RHOBTB3: variants seen among roughly 807,000 people sequenced by gnomAD.
The protein encoded by RHOBTB3 is Rho related BTB domain containing 3.
A neutral mutation model predicts 67.2 loss-of-function variants in RHOBTB3; 47 were observed. The ratio of observed to expected loss-of-function variants is 0.70; its 90% confidence interval spans 0.55 to 0.89. The LOEUF (loss-of-function observed/expected upper bound fraction) is 0.89, where lower values mean the gene tolerates loss of function less well. Among genes scored for constraint, RHOBTB3 ranks in the 40% least tolerant of loss-of-function variants. The pLI, the probability that RHOBTB3 is intolerant of heterozygous loss-of-function variation, is 0.00. For synonymous variants in RHOBTB3, 273 were observed against 274.2 expected (o/e 1.00, Z 0.04); for missense variants, 631 against 750.0 (o/e 0.84, Z 1.85).
At chr5:95,760,905 A>C (rs1745376111) in intron 6 of RHOBTB3, among the ~76,000 whole-genome samples, 2 of 152,218 alleles carry the variant, frequency 1.3e-5, no homozygotes, top group African/African-American at 2.4e-5. Flanking sequence ...GTTTATTAGG[A>C]CCTAAAAGTC....
intron 3 of RHOBTB3, among the ~76,000 whole-genome samples, chr5:95,744,897 C>T (rs998066699): frequency 6.6e-6 from 1 of 151,848 alleles, no homozygotes; most frequent in Admixed American, 6.6e-5. Context: ...ATGGTGAAAC[C>T]CCATCTCTAG....
intron 1 of RHOBTB3, 66 bp from the exon 2 acceptor site, chr5:95,731,793 G>T (rs1755270509): frequency 6.2e-7 from 1 of 1,602,962 alleles, no homozygotes; most frequent in East Asian, 2.2e-5. Flanking sequence ...CGCACTTCCT[G>T]TTCCGAGGAG....
At chr5:95,765,159 AT>A in intron 7 of RHOBTB3, among the ~76,000 whole-genome samples, 1 of 152,208 alleles carries the variant, frequency 6.6e-6, no homozygotes, top group East Asian at 1.9e-4. Flanking sequence ...CTGTTTATAG[AT>A]TCTCTCCCTC....
At chr5:95,718,194 G>A (rs935578849) in intron 1 of RHOBTB3, among the ~76,000 whole-genome samples, 18 of 152,186 alleles carry the variant, frequency 1.2e-4, no homozygotes, top group Middle Eastern at 6.8e-3. Flanking sequence ...GCTTCTAGCC[G>A]TATGGGGAAG....
intron 5 of RHOBTB3, 23 bp downstream of exon 5, chr5:95,752,373 A>G: frequency 7.1e-7 from 1 of 1,407,590 alleles, no homozygotes; most frequent in Non-Finnish European, 1.0e-6. Context: ...GCCAATGTCT[A>G]GACATTCATT....
rs537299128 is a variant in RHOBTB3 at position 95,731,994 on chromosome 5, G to A, written c.138G>A (p.Ala46=). 24 of 1,614,172 alleles carry A rather than the reference G, an allele frequency of 1.5e-5. No homozygotes were observed. In the East Asian group the frequency reaches 4.2e-4, roughly 28 times the overall value. Residue 46 remains alanine (A), a synonymous_variant, in exon 2 of 12, where the codon GCG becomes GCA. Transcript: ENST00000379982. ...ACGAGAGCAGCTTGTTGCTGAACGC[G>A]GCCAGCACGGTCGCGCGTCCGGTGT... ...SGDESSLLLN[A]ASTVARPVFT...
At chr5:95,746,645 A>G (rs1255647546) in intron 3 of RHOBTB3, among the ~76,000 whole-genome samples, 1 of 152,108 alleles carries the variant, frequency 6.6e-6, no homozygotes, top group Non-Finnish European at 1.5e-5. Flanking sequence ...CTAAAACTAT[A>G]TTTTTATTTT....
At chr5:95,740,869 T>C (rs1755575649) in intron 3 of RHOBTB3, among the ~76,000 whole-genome samples, 2 of 151,496 alleles carry the variant, frequency 1.3e-5, no homozygotes, top group Non-Finnish European at 2.9e-5. Context: ...ACACACACAC[T>C]TTTTTTTGGC....
At chr5:95,777,338 T>C (rs894812830) in intron 8 of RHOBTB3, among the ~76,000 whole-genome samples, 8 of 152,242 alleles carry the variant, frequency 5.3e-5, no homozygotes, top group Admixed American at 1.3e-4. Flanking sequence ...GTGACAAATG[T>C]ATTTTATTTT....
At chr5:95,765,079 TAC>T (rs1251557798) in intron 7 of RHOBTB3, among the ~76,000 whole-genome samples, 8 of 152,204 alleles carry the variant, frequency 5.3e-5, no homozygotes, top group African/African-American at 1.9e-4. Flanking sequence ...GTACATCACG[TAC>T]ATTTGTGTTC....
Position 95,783,918 on chromosome 5 carries a change from G to A in RHOBTB3, c.1578G>A (p.Leu526=). 1 of 1,613,876 alleles carries A rather than the reference G, an allele frequency of 6.2e-7. No individual in the cohort carries two copies. Among genetic ancestry groups the A allele is most frequent in the Non-Finnish European group, 8.5e-7 (1 of 1,179,840 alleles). The part of the protein sequence containing the change: ...TQLQSMPSRE[L]ASMNLDIVDL... ...TGCAGAGCATGCCAAGCAGGGAACT[G>A]GCATCCATGAACCTTGATATAGTTG... The change falls in exon 10 of 12, where the codon CTG becomes CTA. Residue 526 remains leucine, a synonymous_variant. Coordinates refer to ENST00000379982, the MANE Select transcript of RHOBTB3 (RefSeq NM_014899.4).
intron 8 of RHOBTB3, among the ~76,000 whole-genome samples, chr5:95,775,718 T>C (rs1173563712): frequency 6.6e-6 from 1 of 152,024 alleles, no homozygotes; most frequent in Non-Finnish European, 1.5e-5. Context: ...TTTTGGGGGC[T>C]GTAAATGGGA....
intron 3 of RHOBTB3, among the ~76,000 whole-genome samples, chr5:95,744,668 G>C (rs1015457072): frequency 6.6e-6 from 1 of 152,036 alleles, no homozygotes; most frequent in Non-Finnish European, 1.5e-5. Context: ...ACCTATATTG[G>C]CTTCCCCCCA....
At chr5:95,739,995 G>GGGA (rs1755553562) in intron 3 of RHOBTB3, among the ~76,000 whole-genome samples, 1 of 152,184 alleles carries the variant, frequency 6.6e-6, no homozygotes, top group Non-Finnish European at 1.5e-5. Context: ...TAATCCCCAT[G>GGGA]TGTCATGGGA....
rs746140954 is a variant in RHOBTB3 at position 95,793,191 on chromosome 5, A to C, written c.*17A>C. On this transcript the variant is annotated 3_prime_UTR_variant, in exon 12 of 12. Transcript: ENST00000379982. The stretch of plus-strand genomic sequence containing the variant: ...GTAATGTAACCTGGAGCTTTTATAC[A>C]CTACATTTCTTTTTTATTATTATGA... 1.4e-6 allele frequency: 2 copies of C among 1,466,286 alleles called. No homozygotes were observed. Among genetic ancestry groups the C allele is most frequent in the Admixed American group, 1.9e-5 (1 of 51,334 alleles). 90.8% of individuals were successfully genotyped at this position (1,466,286 alleles called of 1,614,324 possible).
intron 8 of RHOBTB3, among the ~76,000 whole-genome samples, chr5:95,768,656 A>G (rs980743793): frequency 1.3e-5 from 2 of 152,200 alleles, no homozygotes; most frequent in East Asian, 3.8e-4. Context: ...CACCTCAGGC[A>G]CCCATAGATA....
At chr5:95,791,434 T>C (rs1279505389) in intron 11 of RHOBTB3, among the ~76,000 whole-genome samples, 1 of 152,200 alleles carries the variant, frequency 6.6e-6, no homozygotes, top group African/African-American at 2.4e-5. Context: ...GTTTGTTTTG[T>C]TTTGCTGGCT....
intron 3 of RHOBTB3, among the ~76,000 whole-genome samples, chr5:95,743,505 C>G (rs1755658738): frequency 6.6e-6 from 1 of 152,112 alleles, no homozygotes; most frequent in South Asian, 2.1e-4. Flanking sequence ...CTTCAGGAGG[C>G]CTCTTCGGTC....
chr5:95,777,317 A>G (rs1745916333), intron 8 of RHOBTB3, among the ~76,000 whole-genome samples: 1 of 152,238 alleles, frequency 6.6e-6, no homozygotes, highest in African/African-American at 2.4e-5. Flanking sequence ...GGAAAATAGT[A>G]TGAAGAAAGT....
Sources: gnomAD v4.1 joint callset for allele counts (sites outside exome capture counted in the v4.1 genomes callset) on GRCh38, gnomAD v4.1.1 for gene constraint, MANE v1.5 for transcripts, NCBI Gene and HGNC (gene_info 2026-07-23, HGNC 2026-07-21) for gene names.